The following FHIT variants were observed in gnomAD, a reference collection of about 807,000 sequenced individuals.
The protein encoded by FHIT is fragile histidine triad diadenosine triphosphatase.
A neutral mutation model predicts 17.9 loss-of-function variants in FHIT; 19 were observed. The ratio of observed to expected loss-of-function variants is 1.06; its 90% CI spans 0.74 to 1.56. The LOEUF (loss-of-function observed/expected upper bound fraction) is 1.56, where lower values mean the gene tolerates loss of function less well. Among genes scored for constraint, FHIT ranks in the 40% most tolerant of loss-of-function variants. FHIT has a pLI of 0.00. For synonymous variants in FHIT, 81 were observed against 69.7 expected (o/e 1.16, Z -0.81); for missense variants, 248 against 189.2 (o/e 1.31, Z -1.82).
At chr3:61,219,151 C>A (rs1524018) in intron 1 of FHIT, among the ~76,000 whole-genome samples, 11,308 of 152,098 alleles carry the variant, frequency 0.074, 1,081 homozygotes, top group East Asian at 0.4. Flanking sequence ...ATCTAAACAT[C>A]TAAACATATA....
chr3:61,115,714 G>T (rs1232645231), intron 2 of FHIT, among the ~76,000 whole-genome samples: 1 of 152,126 alleles, frequency 6.6e-6, no homozygotes, highest in Non-Finnish European at 1.5e-5. Flanking sequence ...GAGAGGATAT[G>T]ATGAGACAAC....
chr3:59,753,477 C>A (rs941563624), intron 8 of FHIT, among the ~76,000 whole-genome samples: 4 of 152,080 alleles, frequency 2.6e-5, no homozygotes, highest in Non-Finnish European at 5.9e-5. Flanking sequence ...CAATTTTCTC[C>A]CTTAACCTCC....
intron 4 of FHIT, among the ~76,000 whole-genome samples, chr3:60,688,033 A>T (rs1262695457): frequency 1.3e-5 from 2 of 151,574 alleles, no homozygotes; most frequent in Non-Finnish European, 2.9e-5. Flanking sequence ...TTCTTTTTTA[A>T]TCTAATGAGT....
At chr3:60,186,260 T>A (rs1401731829) in intron 5 of FHIT, among the ~76,000 whole-genome samples, 1 of 152,178 alleles carries the variant, frequency 6.6e-6, no homozygotes, top group East Asian at 1.9e-4. Flanking sequence ...ACTTTTGCAT[T>A]TCACATTTAG....
intron 4 of FHIT, among the ~76,000 whole-genome samples, chr3:60,625,282 T>C (rs1315417867): frequency 6.6e-6 from 1 of 152,238 alleles, no homozygotes; most frequent in Non-Finnish European, 1.5e-5. Context: ...ACATATGTTT[T>C]CATTTCTCTT....
chr3:61,243,495 G>A (rs983631354), intron 1 of FHIT, among the ~76,000 whole-genome samples: 3 of 152,096 alleles, frequency 2.0e-5, no homozygotes, highest in Admixed American at 6.5e-5. Context: ...AGAGGATGGG[G>A]GTAGGAAGAA....
At chr3:60,861,830 G>A (rs1040292451) in intron 3 of FHIT, among the ~76,000 whole-genome samples, 5 of 151,656 alleles carry the variant, frequency 3.3e-5, no homozygotes, top group Non-Finnish European at 2.9e-5. Flanking sequence ...AGTTTGTGTA[G>A]TCCCAGCTAC....
At chr3:60,463,660 T>C (rs947330087) in intron 5 of FHIT, among the ~76,000 whole-genome samples, 5 of 152,180 alleles carry the variant, frequency 3.3e-5, no homozygotes, top group Non-Finnish European at 7.3e-5. Context: ...AAGCTGTCCA[T>C]GTGGGAGGTT....
At chr3:60,691,082 T>A (rs1052857156) in intron 4 of FHIT, among the ~76,000 whole-genome samples, 6 of 152,164 alleles carry the variant, frequency 3.9e-5, no homozygotes, top group African/African-American at 1.4e-4. Context: ...TTTTCATTAA[T>A]GTTGCCTGGA....
intron 5 of FHIT, among the ~76,000 whole-genome samples, chr3:60,401,624 C>T (rs1281024538): frequency 6.6e-6 from 1 of 152,130 alleles, no homozygotes; most frequent in East Asian, 1.9e-4. Flanking sequence ...GGTGCTTCCC[C>T]ACCCCATGTA....
At chr3:60,242,558 T>C (rs1357018906) in intron 5 of FHIT, among the ~76,000 whole-genome samples, 2 of 152,152 alleles carry the variant, frequency 1.3e-5, no homozygotes, top group Admixed American at 6.6e-5. Flanking sequence ...CTTAGAACAA[T>C]GCCTTGCAGA....
intron 5 of FHIT, among the ~76,000 whole-genome samples, chr3:60,508,090 A>C (rs2034806779): frequency 6.6e-6 from 1 of 152,190 alleles, no homozygotes; most frequent in African/African-American, 2.4e-5. Context: ...TGCTAGCTAC[A>C]TGGAGAATGT....
At chr3:60,672,026 T>C (rs2040517918) in intron 4 of FHIT, among the ~76,000 whole-genome samples, 1 of 152,224 alleles carries the variant, frequency 6.6e-6, no homozygotes, top group Non-Finnish European at 1.5e-5. Flanking sequence ...TTATCTTTGG[T>C]AAACCTTCTT....
At chr3:60,539,266 T>C (rs936629826) in intron 4 of FHIT, among the ~76,000 whole-genome samples, 21 of 152,168 alleles carry the variant, frequency 1.4e-4, no homozygotes, top group African/African-American at 5.1e-4. Flanking sequence ...CCAGCTAGAA[T>C]GGCGATCAGT....
chr3:60,894,193 G>C (rs1705666006), intron 3 of FHIT, among the ~76,000 whole-genome samples: 1 of 152,174 alleles, frequency 6.6e-6, no homozygotes, highest in African/African-American at 2.4e-5. Context: ...TTAACCTCGT[G>C]TATAGTTAAC....
chr3:60,700,725 T>C (rs182014984), intron 4 of FHIT, among the ~76,000 whole-genome samples: 5 of 152,308 alleles, frequency 3.3e-5, no homozygotes, highest in Admixed American at 2.0e-4. Context: ...TTAACAAGCA[T>C]GGATATTATC....
intron 8 of FHIT, among the ~76,000 whole-genome samples, chr3:59,895,396 G>A (rs976497125): frequency 2.0e-5 from 3 of 152,166 alleles, no homozygotes; most frequent in Non-Finnish European, 4.4e-5. Flanking sequence ...ATTAATGCAG[G>A]TCAGCTACCA....
intron 5 of FHIT, among the ~76,000 whole-genome samples, chr3:60,120,420 C>A (rs1705195293): frequency 6.6e-6 from 1 of 152,186 alleles, no homozygotes; most frequent in Admixed American, 6.5e-5. Context: ...TGCAGGGCAC[C>A]TGCATATTTT....
chr3:59,947,006 T>C (rs2107290872), intron 7 of FHIT, among the ~76,000 whole-genome samples: 1 of 152,328 alleles, frequency 6.6e-6, no homozygotes, highest in South Asian at 2.1e-4. Context: ...GATTTTGGTA[T>C]CAGAAAAATG....
Sources: allele counts gnomAD v4.1 joint callset (sites outside exome capture counted in the v4.1 genomes callset), GRCh38; gene constraint gnomAD v4.1.1; transcripts MANE v1.5; gene names NCBI Gene and HGNC (gene_info 2026-07-23, HGNC 2026-07-21).